RBFOX1: variants seen among roughly 807,000 people sequenced by gnomAD.
RBFOX1 encodes the protein RNA binding protein fox-1 homolog 1.
Under a neutral mutation model 57.7 loss-of-function variants are expected in RBFOX1, and 8 were observed. The observed-to-expected ratio is 0.14, with a 90% CI of 0.08 to 0.25. The LOEUF is 0.25. RBFOX1 is among the 10% of genes least tolerant of loss of function. The pLI, the probability that RBFOX1 is intolerant of heterozygous loss-of-function variation, is 1.00. For missense variants in RBFOX1, 611 were observed against 548.5 expected, an observed-to-expected ratio of 1.11 and a Z score of -1.14; for synonymous variants, 326 against 222.4, an observed-to-expected ratio of 1.47 and a Z score of -4.15.
chr16:5,506,218 C>T (rs951896652), intron 2 of RBFOX1, among the ~76,000 whole-genome samples: 49 of 151,908 alleles, frequency 3.2e-4, no homozygotes, highest in African/African-American at 1.2e-3. Flanking sequence ...GTCCTCCCAC[C>T]TCTCCTACAC....
intron 2 of RBFOX1, among the ~76,000 whole-genome samples, chr16:6,388,094 C>G (rs1335946352): frequency 6.7e-6 from 1 of 149,056 alleles, no homozygotes; most frequent in Non-Finnish European, 1.5e-5. Flanking sequence ...ATTCTTCTGC[C>G]TCAGCCTCCC....
chr16:6,864,768 T>C (rs558141866), intron 3 of RBFOX1, among the ~76,000 whole-genome samples: 11 of 152,110 alleles, frequency 7.2e-5, no homozygotes, highest in Non-Finnish European at 1.3e-4. Flanking sequence ...TTAAGTGTCT[T>C]TTTCCTCTAA....
intron 2 of RBFOX1, among the ~76,000 whole-genome samples, chr16:6,517,259 A>C (rs1477337866): frequency 6.6e-6 from 1 of 152,126 alleles, no homozygotes; most frequent in East Asian, 1.9e-4. Context: ...GACATCACCC[A>C]CAATTCTGCA....
intron 3 of RBFOX1, among the ~76,000 whole-genome samples, chr16:6,985,659 C>A (rs942307822): frequency 2.0e-5 from 3 of 151,988 alleles, no homozygotes; most frequent in African/African-American, 7.3e-5. Flanking sequence ...AAAACCCCAT[C>A]TCTACAAAAA....
rs1318463924 is a variant in RBFOX1 at position 5,955,341 on chromosome 16, TAAAATAAAATAAATAA to T, written c.351+88010_351+88025del. ...TAAAATAAAATAAAATAAAATAAAA[TAAAATAAAATAAATAA>T]AAATAAAATAAAATAAAATAAAATA... On this transcript the variant is annotated intron_variant, in intron 4 of 19. Coordinates refer to the RBFOX1 transcript ENST00000641259. 1.2e-3 allele frequency among the ~76,000 whole-genome samples: 52 copies of T among 42,278 alleles called. 1 individual carries two copies. Among genetic ancestry groups the T allele is most frequent in the African/African-American group, 7.2e-3 (50 of 6,948 alleles). The allele number at this position is 42,278 out of a possible 152,430, so 27.7% of individuals were successfully genotyped here.
chr16:6,167,797 C>G (rs2096928686), intron 1 of RBFOX1, among the ~76,000 whole-genome samples: 1 of 152,074 alleles, frequency 6.6e-6, no homozygotes, highest in Non-Finnish European at 1.5e-5. Context: ...GGAGTGGAGG[C>G]CAGAAGATGT....
At chr16:7,320,572 A>G (rs1266746983) in intron 4 of RBFOX1, among the ~76,000 whole-genome samples, 12 of 152,220 alleles carry the variant, frequency 7.9e-5, no homozygotes, top group African/African-American at 2.9e-4. Flanking sequence ...TCCAGAATCT[A>G]TTAGTTTTAA....
chr16:7,250,739 G>C (rs2094471817), intron 4 of RBFOX1, among the ~76,000 whole-genome samples: 1 of 152,144 alleles, frequency 6.6e-6, no homozygotes, highest in African/African-American at 2.4e-5. Context: ...TATTTACCAG[G>C]GAGGGTCATG....
At chr16:6,949,446 G>C (rs73545308) in intron 3 of RBFOX1, among the ~76,000 whole-genome samples, 204 of 152,282 alleles carry the variant, frequency 1.3e-3, no homozygotes, top group African/African-American at 4.7e-3. Flanking sequence ...GGTTGCGTAA[G>C]CAACACAGAT....
intron 1 of RBFOX1, among the ~76,000 whole-genome samples, chr16:5,424,789 C>G (rs2067463618): frequency 6.6e-6 from 1 of 151,812 alleles, no homozygotes; most frequent in Non-Finnish European, 1.5e-5. Context: ...AGTAGGAAGT[C>G]CAGGCTCATG....
chr16:6,481,345 C>T (rs1225897908), intron 2 of RBFOX1, among the ~76,000 whole-genome samples: 1 of 152,174 alleles, frequency 6.6e-6, no homozygotes, highest in African/African-American at 2.4e-5. Flanking sequence ...ATGAGAATAG[C>T]AATTTATATC....
At chr16:5,795,177 A>G (rs2054834787) in intron 3 of RBFOX1, among the ~76,000 whole-genome samples, 1 of 152,196 alleles carries the variant, frequency 6.6e-6, no homozygotes, top group Admixed American at 6.5e-5. Flanking sequence ...GGCCTAACCC[A>G]TAAATGTCAA....
At chr16:7,347,614 G>C (rs899591426) in intron 4 of RBFOX1, among the ~76,000 whole-genome samples, 3 of 152,090 alleles carry the variant, frequency 2.0e-5, no homozygotes, top group East Asian at 3.9e-4. Context: ...GTCACGCCGA[G>C]ATTGAAAAAC....
intron 2 of RBFOX1, among the ~76,000 whole-genome samples, chr16:5,510,150 T>C (rs1260301541): frequency 1.3e-5 from 2 of 152,224 alleles, no homozygotes; most frequent in Admixed American, 1.3e-4. Flanking sequence ...GGCTGGTTAT[T>C]TAACCTCTCT....
chr16:6,161,465 G>T (rs191771952), intron 1 of RBFOX1, among the ~76,000 whole-genome samples: 2 of 152,082 alleles, frequency 1.3e-5, no homozygotes, highest in East Asian at 3.9e-4. Flanking sequence ...GGCTGGGGCA[G>T]CTGACTAACA....
intron 3 of RBFOX1, among the ~76,000 whole-genome samples, chr16:6,990,319 G>C (rs2091210347): frequency 6.6e-6 from 1 of 152,044 alleles, no homozygotes; most frequent in Non-Finnish European, 1.5e-5. Context: ...GAGGTCAGGA[G>C]TTCGAGACCA....
intron 4 of RBFOX1, among the ~76,000 whole-genome samples, chr16:5,939,565 G>A (rs1222961715): frequency 1.3e-5 from 2 of 152,230 alleles, no homozygotes; most frequent in Non-Finnish European, 2.9e-5. Flanking sequence ...ATCCAAGAGA[G>A]AAGGTAAAGA....
chr16:5,388,254 A>G (rs1272599860), intron 1 of RBFOX1, among the ~76,000 whole-genome samples: 3 of 152,112 alleles, frequency 2.0e-5, no homozygotes, highest in East Asian at 1.9e-4. Context: ...TGCTTCTAGA[A>G]CACATCTCAG....
chr16:5,282,048 G>A (rs1432465826), intron 1 of RBFOX1, among the ~76,000 whole-genome samples: 1 of 152,158 alleles, frequency 6.6e-6, no homozygotes, highest in East Asian at 1.9e-4. Flanking sequence ...GTTGTGGGAG[G>A]GACCCAGTGG....
Sources: allele counts gnomAD v4.1 joint callset (sites outside exome capture counted in the v4.1 genomes callset), GRCh38; gene constraint gnomAD v4.1.1; transcripts MANE v1.5; gene names NCBI Gene and HGNC (gene_info 2026-07-23, HGNC 2026-07-21).